Variants in CCDC91 observed in about 807,000 individuals in gnomAD.
CCDC91 encodes coiled-coil domain-containing protein 91.
Under a neutral mutation model 63.2 loss-of-function variants are expected in CCDC91, and 48 were observed. That is an observed-to-expected ratio of 0.76 (90% confidence interval 0.60 to 0.97). The LOEUF (loss-of-function observed/expected upper bound fraction) is 0.97. CCDC91 is among the 50% of genes least tolerant of loss of function. The probability of loss-of-function intolerance (pLI) is 0.00; values close to 1 mark genes in which losing one functional copy is unlikely to be tolerated. For missense variants in CCDC91, 500 were observed against 494.6 expected, an observed-to-expected ratio of 1.01 and a Z score of -0.10; for synonymous variants, 167 against 165.8, an observed-to-expected ratio of 1.01 and a Z score of -0.06.
chr12:28,354,751 C>A (rs1592403297), intron 6 of CCDC91, among the ~76,000 whole-genome samples: 1 of 152,088 alleles, frequency 6.6e-6, no homozygotes, highest in Non-Finnish European at 1.5e-5. Context: ...ACTTTGGAGA[C>A]CAGACTTAAA....
chr12:28,477,729 C>G (rs1264747524), intron 11 of CCDC91, among the ~76,000 whole-genome samples: 1 of 152,086 alleles, frequency 6.6e-6, no homozygotes, highest in Non-Finnish European at 1.5e-5. Flanking sequence ...GTCTTAGCCC[C>G]AAATCTCCTT....
At chr12:28,204,326 T>C (rs1942686263) in intron 1 of CCDC91, among the ~76,000 whole-genome samples, 1 of 152,198 alleles carries the variant, frequency 6.6e-6, no homozygotes, top group African/African-American at 2.4e-5. Context: ...ATTAATGGTT[T>C]GCAGATGTTG....
chr12:28,455,427 C>A (rs1206492373), intron 11 of CCDC91, among the ~76,000 whole-genome samples: 1 of 152,096 alleles, frequency 6.6e-6, no homozygotes, highest in Non-Finnish European at 1.5e-5. Flanking sequence ...TGATAGGAAT[C>A]TGAAATACTG....
At chr12:28,456,580 T>C (rs1294702531) in intron 11 of CCDC91, among the ~76,000 whole-genome samples, 1 of 152,172 alleles carries the variant, frequency 6.6e-6, no homozygotes. Flanking sequence ...ACAAAACATA[T>C]CAAATTACAC....
At chr12:28,423,609 G>A (rs1473849349) in intron 8 of CCDC91, among the ~76,000 whole-genome samples, 2 of 152,052 alleles carry the variant, frequency 1.3e-5, no homozygotes, top group Non-Finnish European at 2.9e-5. Context: ...TAAAACGCTG[G>A]AATAGTGGGG....
intron 6 of CCDC91, among the ~76,000 whole-genome samples, chr12:28,318,487 G>T (rs1479845584): frequency 6.6e-6 from 1 of 151,954 alleles, no homozygotes; most frequent in Non-Finnish European, 1.5e-5. Flanking sequence ...GTTGCAATGA[G>T]CTATGATTGC....
At chr12:28,273,888 C>T (rs534130728) in intron 3 of CCDC91, among the ~76,000 whole-genome samples, 9 of 151,904 alleles carry the variant, frequency 5.9e-5, no homozygotes, top group East Asian at 5.8e-4. Context: ...CCATTGCTTT[C>T]GGTGTTTTTG....
At chr12:28,407,394 T>C (rs1319800782) in intron 8 of CCDC91, among the ~76,000 whole-genome samples, 1 of 152,230 alleles carries the variant, frequency 6.6e-6, no homozygotes, top group African/African-American at 2.4e-5. Context: ...TTTGTCAAAC[T>C]TTACTCCATT....
At chr12:28,308,922 T>G (rs779838963) in intron 6 of CCDC91, among the ~76,000 whole-genome samples, 1 of 152,066 alleles carries the variant, frequency 6.6e-6, no homozygotes, top group Admixed American at 6.6e-5. Flanking sequence ...TTTAAAAATG[T>G]AAATCAAATC....
At chr12:28,503,158 G>C (rs1057113027) in intron 12 of CCDC91, among the ~76,000 whole-genome samples, 6 of 152,040 alleles carry the variant, frequency 3.9e-5, no homozygotes, top group African/African-American at 1.5e-4. Flanking sequence ...CCTATAAAAT[G>C]GGAGAAAATT....
chr12:28,245,713 T>C (rs992685180), intron 1 of CCDC91, among the ~76,000 whole-genome samples: 3 of 152,278 alleles, frequency 2.0e-5, no homozygotes, highest in African/African-American at 7.2e-5. Flanking sequence ...GATAATCATA[T>C]GAAGAAATTT....
At chr12:28,269,280 G>A (rs1041580476) in intron 3 of CCDC91, among the ~76,000 whole-genome samples, 13 of 151,870 alleles carry the variant, frequency 8.6e-5, no homozygotes, top group African/African-American at 3.1e-4. Flanking sequence ...CTTCCTCTTT[G>A]TGGCAGGCGG....
chr12:28,269,236 A>T (rs1423857876), intron 3 of CCDC91, among the ~76,000 whole-genome samples: 1 of 151,812 alleles, frequency 6.6e-6, no homozygotes, highest in East Asian at 1.9e-4. Context: ...GGTGTCTCTA[A>T]TTCTTGGTGG....
chr12:28,415,227 ATTT>A (rs35304033), intron 8 of CCDC91, among the ~76,000 whole-genome samples: 1 of 145,796 alleles, frequency 6.9e-6, no homozygotes. Context: ...TGTAAAGCGG[ATTT>A]TTTTTTTTTT....
At chr12:28,512,188 G>A (rs1240284328) in intron 12 of CCDC91, among the ~76,000 whole-genome samples, 3 of 151,864 alleles carry the variant, frequency 2.0e-5, no homozygotes, top group South Asian at 2.1e-4. Flanking sequence ...GTGTACAAAT[G>A]TCTTTTTTGT....
intron 6 of CCDC91, among the ~76,000 whole-genome samples, chr12:28,341,197 G>A (rs2137978681): frequency 6.6e-6 from 1 of 152,246 alleles, no homozygotes; most frequent in Admixed American, 6.5e-5. Context: ...AGCTGCTTGT[G>A]TCTCTGCCTG....
chr12:28,543,418 T>C (rs1219297277), intron 12 of CCDC91, among the ~76,000 whole-genome samples: 9 of 152,024 alleles, frequency 5.9e-5, no homozygotes, highest in African/African-American at 2.2e-4. Flanking sequence ...TTGTTTTGCT[T>C]TAGGTTTTTA....
rs1307608141 is a variant in CCDC91, at chr12:28,267,896, A to G, written c.109+8454A>G. On this transcript the variant is annotated intron_variant, in intron 3 of 12. Coordinates refer to ENST00000536442, the MANE Select transcript of CCDC91 (RefSeq NM_018318.5). ...AATTATATATAATTATTATAATTAT[A>G]TATAATTATATTATATATAATTATT... Among the ~76,000 whole-genome samples the G allele has an allele frequency of 2.4e-5, 2 of 83,236 alleles. 1 individual carries two copies. The highest frequency in any genetic ancestry group is 4.5e-5 in the Non-Finnish European group (2 of 44,434). The allele number at this position is 83,236 out of a possible 152,430, so 54.6% of individuals were successfully genotyped here. A position where few individuals can be genotyped will look rare whatever the true frequency, so the allele number is the denominator to read the frequency against.
intron 12 of CCDC91, among the ~76,000 whole-genome samples, chr12:28,517,063 T>C (rs190574948): frequency 2.0e-5 from 3 of 152,084 alleles, no homozygotes; most frequent in Admixed American, 2.0e-4. Flanking sequence ...TTTTTATATT[T>C]CACTAATGTC....
Sources: allele counts gnomAD v4.1 joint callset (sites outside exome capture counted in the v4.1 genomes callset), GRCh38; gene constraint gnomAD v4.1.1; transcripts MANE v1.5; gene names NCBI Gene and HGNC (gene_info 2026-07-23, HGNC 2026-07-21).